The following PITPNB variants were observed in gnomAD, a reference collection of about 807,000 sequenced individuals.
The protein encoded by PITPNB is phosphatidylinositol transfer protein beta isoform.
PITPNB carries 16 observed loss-of-function variants against 45.9 expected under a neutral mutation model. The ratio of observed to expected loss-of-function variants is 0.35; its 90% confidence interval spans 0.24 to 0.53. PITPNB has a LOEUF of 0.53. Among genes scored for constraint, PITPNB ranks in the 20% least tolerant of loss-of-function variants. The pLI, the probability that PITPNB is intolerant of heterozygous loss-of-function variation, is 0.93. For synonymous variants in PITPNB, 112 were observed against 108.9 expected, an observed-to-expected ratio of 1.03 and a Z score of -0.18; for missense variants, 188 against 330.5, an observed-to-expected ratio of 0.57 and a Z score of 3.34.
intron 7 of PITPNB, among the ~76,000 whole-genome samples, chr22:27,881,215 A>G (rs1182934565): frequency 6.6e-6 from 1 of 152,226 alleles, no homozygotes; most frequent in Non-Finnish European, 1.5e-5. Flanking sequence ...TCTGTTTCAC[A>G]GTAAAGGCAA....
intron 8 of PITPNB, among the ~76,000 whole-genome samples, chr22:27,873,336 A>G (rs1569011820): frequency 1.3e-5 from 2 of 152,190 alleles, no homozygotes; most frequent in Admixed American, 1.3e-4. Context: ...TTCCAAAAAT[A>G]TAACTATTAA....
chr22:27,902,012 G>A (rs1935608745), intron 3 of PITPNB, among the ~76,000 whole-genome samples: 1 of 151,996 alleles, frequency 6.6e-6, no homozygotes, highest in Non-Finnish European at 1.5e-5. Flanking sequence ...TGGTGAGTAC[G>A]CAGGGACGAC....
At chr22:27,884,811 CAT>C (rs1404557780) in intron 7 of PITPNB, among the ~76,000 whole-genome samples, 1 of 152,040 alleles carries the variant, frequency 6.6e-6, no homozygotes, top group African/African-American at 2.4e-5. Flanking sequence ...TTATTATTAA[CAT>C]GTAAAAAACA....
At chr22:27,884,303 T>C (rs370522598) in intron 7 of PITPNB, among the ~76,000 whole-genome samples, 3 of 152,324 alleles carry the variant, frequency 2.0e-5, no homozygotes, top group South Asian at 2.1e-4. Context: ...ATTATATTCA[T>C]GGGCAGGTAA....
At chr22:27,871,723 T>A (rs1033076626) in intron 8 of PITPNB, among the ~76,000 whole-genome samples, 1 of 152,330 alleles carries the variant, frequency 6.6e-6, no homozygotes, top group Admixed American at 6.5e-5. Context: ...TTCTGGGTAA[T>A]ATAGATTGGG....
intron 2 of PITPNB, among the ~76,000 whole-genome samples, chr22:27,911,958 G>C (rs1935939458): frequency 6.6e-6 from 1 of 152,154 alleles, no homozygotes. Flanking sequence ...TCCAACAAAT[G>C]TTGGAAAAAG....
At chr22:27,913,578 G>C (rs1452652060) in intron 2 of PITPNB, among the ~76,000 whole-genome samples, 2 of 152,194 alleles carry the variant, frequency 1.3e-5, no homozygotes, top group East Asian at 3.8e-4. Context: ...ATATATTTCT[G>C]TATCATGTCC....
At chr22:27,885,211 C>CT (rs1569019255) in intron 7 of PITPNB, among the ~76,000 whole-genome samples, 3 of 19,896 alleles carry the variant, frequency 1.5e-4, no homozygotes, top group African/African-American at 7.6e-4. Flanking sequence ...AAATTTATAC[C>CT]TAAAAAAAAA....
intron 7 of PITPNB, among the ~76,000 whole-genome samples, chr22:27,879,163 C>T (rs1934900076): frequency 1.3e-5 from 2 of 152,158 alleles, no homozygotes; most frequent in African/African-American, 4.8e-5. Context: ...ATCGTTCATT[C>T]CATTCTTTCT....
At position 27,852,575 on chromosome 22, in the gene PITPNB, A is replaced by G. The variant is rs1285962209; in HGVS notation, c.*1127T>C. On this transcript the variant is annotated 3_prime_UTR_variant, in exon 12 of 12. Transcript: ENST00000335272. ...CTCACCGCACGCAGGCCAGACTCAC[A>G]CTGCATCTTAAACTGTTCCTATCTC... 6.6e-6 allele frequency: 1 copy of G among 152,216 alleles called. No individual in the cohort carries two copies. The highest frequency in any genetic ancestry group is 1.5e-5 in the Non-Finnish European group (1 of 68,072). The allele number at this position is 152,216 out of a possible 1,614,324, so 9.4% of individuals were successfully genotyped here. A position where few individuals can be genotyped will look rare whatever the true frequency, so the allele number is the denominator to read the frequency against.
At chr22:27,883,607 G>A (rs752513608) in intron 7 of PITPNB, among the ~76,000 whole-genome samples, 33 of 152,224 alleles carry the variant, frequency 2.2e-4, no homozygotes, top group Non-Finnish European at 3.8e-4. Flanking sequence ...AGCTGCCTGC[G>A]GGCAGACCAC....
intron 1 of PITPNB, among the ~76,000 whole-genome samples, chr22:27,916,790 C>T (rs2146436312): frequency 6.6e-6 from 1 of 151,806 alleles, no homozygotes; most frequent in Non-Finnish European, 1.5e-5. Context: ...GCAACAGAGA[C>T]TCCGCCTCAA....
At chr22:27,904,022 A>G (rs764719150) in intron 3 of PITPNB, among the ~76,000 whole-genome samples, 11 of 152,198 alleles carry the variant, frequency 7.2e-5, no homozygotes, top group Non-Finnish European at 1.6e-4. Flanking sequence ...TACACTGCTG[A>G]TAACATTATA....
At chr22:27,901,347 T>A (rs1935587310) in intron 3 of PITPNB, among the ~76,000 whole-genome samples, 1 of 152,192 alleles carries the variant, frequency 6.6e-6, no homozygotes, top group Non-Finnish European at 1.5e-5. Context: ...CACTTTTCCC[T>A]GGAAATTATT....
At position 27,919,239 on chromosome 22, in the gene PITPNB, G is replaced by T. The variant is rs757834102; in HGVS notation, c.-48C>A. 8 of 1,524,284 alleles carry T rather than the reference G, an allele frequency of 5.2e-6. No individual in the cohort carries two copies. The highest frequency in any genetic ancestry group is 7.3e-6 in the Non-Finnish European group (8 of 1,101,098). The allele number at this position is 1,524,284 out of a possible 1,614,324, so 94.4% of individuals were successfully genotyped here. A position where few individuals can be genotyped will look rare whatever the true frequency, so the allele number is the denominator to read the frequency against. On this transcript the variant is annotated 5_prime_UTR_variant, in exon 1 of 12. Transcript: ENST00000335272. ...TGCCGCCGATACCACCGCCGCCGCC[G>T]CCGCTACCGCCTCTCACAGCGCCTG...
chr22:27,890,676 T>C (rs1467973798), intron 7 of PITPNB, among the ~76,000 whole-genome samples: 1 of 152,126 alleles, frequency 6.6e-6, no homozygotes, highest in East Asian at 1.9e-4. Context: ...TAGCTGGGCA[T>C]GGTGGTGGGC....
In PITPNB at chr22:27,909,207, CT is replaced by C. The variant is rs34224616; in HGVS notation, c.197+1756del. ...TGCCCTTAGATAAATACTGGTAGTA[CT>C]TTTTTTTTTTTTTTTTTTTTTGGCT... is the stretch of plus-strand genomic sequence containing the variant. On this transcript the variant is annotated intron_variant, in intron 3 of 11. Transcript: ENST00000335272. 5.9e-3 allele frequency among the ~76,000 whole-genome samples: 488 copies of C among 82,244 alleles called. 3 individuals carry two copies. The highest frequency in any genetic ancestry group is 0.049 in the South Asian group (109 of 2,240). 54.0% of individuals were successfully genotyped at this position (82,244 alleles called of 152,430 possible).
intron 7 of PITPNB, among the ~76,000 whole-genome samples, chr22:27,890,435 A>G (rs1412219858): frequency 6.6e-6 from 1 of 151,844 alleles, no homozygotes; most frequent in African/African-American, 2.4e-5. Context: ...AGCACATTAG[A>G]CGAAAAGCTC....
Position 27,853,568 on chromosome 22 carries a change from C to T in PITPNB, c.*134G>A. 1 of 1,471,124 alleles carries T rather than the reference C, an allele frequency of 6.8e-7. No homozygotes were observed. Among genetic ancestry groups the T allele is most frequent in the African/African-American group, 1.4e-5 (1 of 71,518 alleles). 91.1% of individuals were successfully genotyped at this position (1,471,124 alleles called of 1,614,324 possible). A position where few individuals can be genotyped will look rare whatever the true frequency, so the allele number is the denominator to read the frequency against. On this transcript the variant is annotated 3_prime_UTR_variant, in exon 12 of 12. Transcript: ENST00000335272. ...ATGTGTGTGTATCATCACAAGCACA[C>T]ATCTGGGAAACGTCAACACTGCAAG...
Sources: allele counts gnomAD v4.1 joint callset (sites outside exome capture counted in the v4.1 genomes callset), GRCh38; gene constraint gnomAD v4.1.1; transcripts MANE v1.5; gene names NCBI Gene and HGNC (gene_info 2026-07-23, HGNC 2026-07-21).